TMEM132D: variants seen among roughly 807,000 people sequenced by gnomAD.
TMEM132D encodes transmembrane protein 132D, also known as mature OL transmembrane protein.
In TMEM132D, 21 loss-of-function variants were observed where a neutral mutation model predicts 62.3. That is an observed-to-expected ratio of 0.34 (90% CI 0.24 to 0.49). TMEM132D has a LOEUF of 0.49. Among genes scored for constraint, TMEM132D ranks in the 20% least tolerant of loss-of-function variants. The pLI is 0.99. For synonymous variants in TMEM132D, 621 were observed against 575.6 expected (o/e 1.08, Z -1.13); for missense variants, 1,346 against 1,402.8 (o/e 0.96, Z 0.65).
intron 5 of TMEM132D, among the ~76,000 whole-genome samples, chr12:129,192,519 T>A (rs1398674835): frequency 6.6e-6 from 1 of 152,234 alleles, no homozygotes; most frequent in Non-Finnish European, 1.5e-5. Context: ...CAAATTCTTA[T>A]AAGAGAAACT....
At chr12:129,614,491 C>T (rs1878863275) in intron 2 of TMEM132D, among the ~76,000 whole-genome samples, 1 of 152,230 alleles carries the variant, frequency 6.6e-6, no homozygotes, top group African/African-American at 2.4e-5. Context: ...CAGATGCAAT[C>T]ACTCTGCTAT....
Position 129,357,240 on chromosome 12 carries a change from G to A in TMEM132D, c.1116-19423C>T, listed in dbSNP as rs139770278. On this transcript the variant is annotated intron_variant, in intron 3 of 8. Coordinates refer to ENST00000422113, the MANE Select transcript of TMEM132D (RefSeq NM_133448.3). ...CCAGCCTGGGTGACAGAGTGAGACC[G>A]TGTCTCAAAAAAAAAAAAAGAAAAG... 7.1e-3 allele frequency among the ~76,000 whole-genome samples: 975 copies of A among 136,546 alleles called. 9 individuals carry two copies. Among genetic ancestry groups the A allele is most frequent in the African/African-American group, 0.025 (905 of 35,506 alleles). The allele number at this position is 136,546 out of a possible 152,430, so 89.6% of individuals were successfully genotyped here.
chr12:129,268,523 A>G (rs1485072151), intron 4 of TMEM132D, among the ~76,000 whole-genome samples: 1 of 152,194 alleles, frequency 6.6e-6, no homozygotes, highest in African/African-American at 2.4e-5. Flanking sequence ...ATCATTAAAA[A>G]GTCAGGAAAC....
intron 3 of TMEM132D, among the ~76,000 whole-genome samples, chr12:129,510,839 T>A (rs569453019): frequency 5.9e-5 from 9 of 152,186 alleles, no homozygotes; most frequent in Non-Finnish European, 8.8e-5. Context: ...GACACCATTG[T>A]CAAAAACGAG....
intron 5 of TMEM132D, among the ~76,000 whole-genome samples, chr12:129,117,771 AT>A (rs909135714): frequency 8.5e-5 from 13 of 152,078 alleles, no homozygotes; most frequent in Admixed American, 2.6e-4. Context: ...CCTTTTAAGG[AT>A]TTTTTTCTTT....
intron 3 of TMEM132D, among the ~76,000 whole-genome samples, chr12:129,492,695 T>C (rs1398139904): frequency 6.7e-6 from 1 of 149,104 alleles, no homozygotes; most frequent in Admixed American, 6.7e-5. Context: ...CTGATGACAG[T>C]ACCACCTTCT....
At chr12:129,660,110 C>G (rs765090540) in intron 2 of TMEM132D, among the ~76,000 whole-genome samples, 1 of 151,512 alleles carries the variant, frequency 6.6e-6, no homozygotes, top group South Asian at 2.1e-4. Context: ...GCGGAGTAAC[C>G]GGAAAAGGAG....
intron 2 of TMEM132D, among the ~76,000 whole-genome samples, chr12:129,636,698 ATGTG>A (rs542826978): frequency 0.034 from 3,635 of 107,886 alleles, 98 homozygotes; most frequent in African/African-American, 0.055. Flanking sequence ...TCATACAGAA[ATGTG>A]TGTGTGTGTG....
intron 4 of TMEM132D, among the ~76,000 whole-genome samples, chr12:129,306,952 G>A (rs1434403562): frequency 6.6e-6 from 1 of 152,110 alleles, no homozygotes; most frequent in Non-Finnish European, 1.5e-5. Context: ...AGTGAGCGAC[G>A]GGTAGGTCTG....
intron 2 of TMEM132D, among the ~76,000 whole-genome samples, chr12:129,697,575 T>G (rs1477160518): frequency 6.6e-6 from 1 of 152,230 alleles, no homozygotes; most frequent in Non-Finnish European, 1.5e-5. Flanking sequence ...TGTTGTCTCA[T>G]CTGTAAAACT....
intron 2 of TMEM132D, among the ~76,000 whole-genome samples, chr12:129,606,396 A>T (rs952944517): frequency 6.6e-5 from 10 of 152,178 alleles, no homozygotes; most frequent in African/African-American, 2.4e-4. Flanking sequence ...TCCCTAAGTT[A>T]GCTCAGAGTC....
At position 129,580,111 on chromosome 12, in the gene TMEM132D, C is replaced by T. The variant is rs574452947; in HGVS notation, c.969-48906G>A. Among the ~76,000 whole-genome samples, 5 of 152,218 alleles carry T rather than the reference C, an allele frequency of 3.3e-5. No homozygotes were observed. The South Asian group carries it at 6.2e-4, about 19-fold the overall frequency. On this transcript the variant is annotated intron_variant, in intron 2 of 8. Coordinates refer to ENST00000422113, the MANE Select transcript of TMEM132D (RefSeq NM_133448.3). ...AGTGCAGAGCTGCCCACTTGAGGAA[C>T]GAAAGGAAGGGAGGTTTATCTCTTG...
chr12:129,871,850 C>G (rs1032115442), intron 1 of TMEM132D, among the ~76,000 whole-genome samples: 1 of 152,170 alleles, frequency 6.6e-6, no homozygotes, highest in African/African-American at 2.4e-5. Context: ...CTCTGAACCC[C>G]ACTAAAAATC....
chr12:129,794,718 TTTAC>T (rs1359321284), intron 1 of TMEM132D, among the ~76,000 whole-genome samples: 1 of 152,204 alleles, frequency 6.6e-6, no homozygotes, highest in Non-Finnish European at 1.5e-5. Context: ...CATTTATATT[TTTAC>T]TATCTGTGAG....
intron 3 of TMEM132D, among the ~76,000 whole-genome samples, chr12:129,478,946 C>G (rs1566083014): frequency 6.6e-6 from 1 of 152,206 alleles, no homozygotes; most frequent in Non-Finnish European, 1.5e-5. Context: ...AAAAGACCTA[C>G]ACATGCATGA....
chr12:129,561,645 A>G (rs1000294494), intron 2 of TMEM132D, among the ~76,000 whole-genome samples: 2 of 152,224 alleles, frequency 1.3e-5, no homozygotes, highest in African/African-American at 4.8e-5. Flanking sequence ...CAACCCTATG[A>G]GACAGAAACC....
At chr12:129,454,971 T>C (rs1234715395) in intron 3 of TMEM132D, among the ~76,000 whole-genome samples, 2 of 152,150 alleles carry the variant, frequency 1.3e-5, no homozygotes, top group Non-Finnish European at 2.9e-5. Context: ...CGAAGAAAGC[T>C]TAAAAAGGGT....
chr12:129,822,724 C>T (rs1872569005), intron 1 of TMEM132D, among the ~76,000 whole-genome samples: 1 of 152,166 alleles, frequency 6.6e-6, no homozygotes, highest in African/African-American at 2.4e-5. Flanking sequence ...AGAATGAGTG[C>T]CGAGCGAAGG....
chr12:129,538,762 C>G (rs1424648926), intron 2 of TMEM132D, among the ~76,000 whole-genome samples: 1 of 152,228 alleles, frequency 6.6e-6, no homozygotes, highest in African/African-American at 2.4e-5. Context: ...AATTTCTGCA[C>G]AATGAGATGA....
Sources: gnomAD v4.1 joint callset for allele counts (sites outside exome capture counted in the v4.1 genomes callset) on GRCh38, gnomAD v4.1.1 for gene constraint, MANE v1.5 for transcripts, NCBI Gene and HGNC (gene_info 2026-07-23, HGNC 2026-07-21) for gene names.